DENND6B: variants seen among roughly 807,000 people sequenced by gnomAD.
The protein encoded by DENND6B is protein DENND6B.
In DENND6B, 73 loss-of-function variants were observed where a neutral mutation model predicts 85.1. The observed-to-expected ratio is 0.86, with a 90% confidence interval of 0.71 to 1.04. The LOEUF (loss-of-function observed/expected upper bound fraction) is 1.04. DENND6B is among the 50% of genes least tolerant of loss of function. The pLI is 0.00. For missense variants in DENND6B, 715 were observed against 785.8 expected (o/e 0.91, Z 1.08); for synonymous variants, 357 against 329.3 (o/e 1.08, Z -0.91).
intron 7 of DENND6B, 26 bp downstream of exon 7, chr22:50,316,148 C>G: frequency 1.2e-6 from 2 of 1,612,600 alleles, no homozygotes; most frequent in African/African-American, 1.3e-5. Flanking sequence ...CCTGCAGAGC[C>G]TACTCCCCAG....
Position 50,313,434 on chromosome 22 carries a change from C to A in DENND6B, c.1347+12G>T. The A allele has an allele frequency of 4.6e-6, 7 of 1,538,172 alleles. No homozygotes were observed. The highest frequency in any genetic ancestry group is 1.2e-5 in the South Asian group (1 of 80,112). The stretch of plus-strand genomic sequence containing the variant: ...CTCCATGGACCCCACAAAACCCCCA[C>A]AGGACCCCCACCTTCCAGGGCGTGA... On this transcript the variant is annotated intron_variant, in intron 16 of 19. Transcript: ENST00000413817.
intron 3 of DENND6B, 139 bp downstream of exon 3, chr22:50,318,708 G>A (rs893589781): frequency 3.2e-5 from 39 of 1,237,660 alleles, no homozygotes; most frequent in Admixed American, 2.5e-4. Flanking sequence ...TCCACGGAGT[G>A]GGCATGGGGC....
At position 50,312,362 on chromosome 22, in the gene DENND6B, A is replaced by G. The variant is rs1323612013; in HGVS notation, c.1616T>C (p.Leu539Pro). 3 of 1,611,730 alleles carry G rather than the reference A, an allele frequency of 1.9e-6. No individual in the cohort carries two copies. Among genetic ancestry groups the G allele is most frequent in the East Asian group, 4.5e-5 (2 of 44,838 alleles). ...KSEVEVVDLV[L>P]KLREKLVRAQ... Reference sequence around the variant, plus strand: ...TCTTACCAGCTTCTCACGAAGTTTCAGGACCAGGTCCACGACCTCCACCTC... The same window carrying G: ...TCTTACCAGCTTCTCACGAAGTTTCGGGACCAGGTCCACGACCTCCACCTC... The change falls in exon 19 of 20, where the codon CTG (leucine) becomes CCG (proline). Residue 539 changes from leucine (L) to proline (P), a missense_variant. Coordinates refer to ENST00000413817, the MANE Select transcript of DENND6B (RefSeq NM_001001794.4).
At chr22:50,317,462 C>A (rs2041890228) in intron 4 of DENND6B, 89 bp from the exon 5 acceptor site, 1 of 1,433,826 alleles carries the variant, frequency 7.0e-7, no homozygotes, top group Admixed American at 1.8e-5. Flanking sequence ...CATGCAGGGA[C>A]TGCTGCAGAT....
At chr22:50,315,919 C>G (rs1280783699) in intron 8 of DENND6B, 106 bp downstream of exon 8, 4 of 1,577,418 alleles carry the variant, frequency 2.5e-6, no homozygotes, top group Non-Finnish European at 3.5e-6. Flanking sequence ...TTTGACAACC[C>G]CGCAGGGTGA....
Position 50,314,410 on chromosome 22 carries a change from G to A in DENND6B, c.1062C>T (p.Pro354=), listed in dbSNP as rs1273231118. 1.3e-6 allele frequency: 2 copies of A among 1,564,292 alleles called. No homozygotes were observed. Among genetic ancestry groups the A allele is most frequent in the Non-Finnish European group, 1.7e-6 (2 of 1,154,024 alleles). The change falls in exon 12 of 20, where the codon CCC becomes CCT. Residue 354 remains proline, a synonymous_variant. Transcript: ENST00000413817. ...HWPHILRVGE[P]KMSGDLPKQV... is the part of the protein sequence containing the mutation. ...CACCGGGAGCCTGACCTGACATCTT[G>A]GGCTCCCCGACTCGGAGGATGTGGG...
chr22:50,326,973 C>T lies in DENND6B; in HGVS notation c.16G>A (p.Gly6Ser). The change falls in exon 1 of 20, where the codon GGC (glycine) becomes AGC (serine). Residue 6 changes from glycine to serine, a missense_variant. By Grantham distance (56) the Gly-to-Ser change is moderately conservative. Transcript: ENST00000413817. MDALL[G>S]TGPRRARGCL... is the part of the protein sequence containing the mutation. The stretch of plus-strand genomic sequence containing the variant: ...CCGCGAGCCCGGCGAGGCCCTGTGC[C>T]CAACAGCGCGTCCATGGCGGCGGCC... 8.3e-7 allele frequency: 1 copy of T among 1,209,422 alleles called. No individual in the cohort carries two copies. Among genetic ancestry groups the T allele is most frequent in the Non-Finnish European group, 1.0e-6 (1 of 975,464 alleles). 74.9% of individuals were successfully genotyped at this position (1,209,422 alleles called of 1,614,324 possible). A position where few individuals can be genotyped will look rare whatever the true frequency, so the allele number is the denominator to read the frequency against.
chr22:50,322,691 G>A (rs2042083375), intron 1 of DENND6B, among the ~76,000 whole-genome samples: 1 of 151,886 alleles, frequency 6.6e-6, no homozygotes, highest in South Asian at 2.1e-4. Context: ...TGGGATTACA[G>A]GCGTGCCACA....
At chr22:50,323,020 CTTTTTTTTTTTTT>C (rs386395718) in intron 1 of DENND6B, among the ~76,000 whole-genome samples, 5 of 39,020 alleles carry the variant, frequency 1.3e-4, no homozygotes, top group South Asian at 2.1e-3. Flanking sequence ...CCGGCTAATG[CTTTTTTTTTTTTT>C]TTTTTTTTTT....
In DENND6B at chr22:50,314,792, G is replaced by A. The variant is rs2041741224; in HGVS notation, c.881+7C>T. 2.5e-6 allele frequency: 4 copies of A among 1,601,624 alleles called. No individual in the cohort carries two copies. The highest frequency in any genetic ancestry group is 2.3e-5 in the East Asian group (1 of 44,406). ...CTTCCCCAGCCGGGACCGGGCCAAG[G>A]CGATACCTGGTCAAGGCCAGCACCA... is the stretch of plus-strand genomic sequence containing the variant. On this transcript the variant is annotated splice_region_variant and intron_variant, in intron 10 of 19. Transcript: ENST00000413817.
At chr22:50,321,116 G>A (rs578230434) in intron 1 of DENND6B, among the ~76,000 whole-genome samples, 13 of 152,276 alleles carry the variant, frequency 8.5e-5, no homozygotes, top group East Asian at 1.9e-4. Context: ...CCAGTCACCC[G>A]GAGGAAGACT....
Position 50,311,975 on chromosome 22 carries a change from T to A in DENND6B, c.*164A>T. ...GTCAAGGCCATGCTGTGGTTCCAAATGTCGCCTTTACTGCTGAGACAATGG... is the reference window on the plus strand; with the variant it reads ...GTCAAGGCCATGCTGTGGTTCCAAAAGTCGCCTTTACTGCTGAGACAATGG... On this transcript the variant is annotated 3_prime_UTR_variant, in exon 20 of 20. Transcript: ENST00000413817. 1.7e-6 allele frequency: 2 copies of A among 1,206,350 alleles called. No individual in the cohort carries two copies. The highest frequency in any genetic ancestry group is 5.6e-5 in the Admixed American group (2 of 35,610). 74.7% of individuals were successfully genotyped at this position (1,206,350 alleles called of 1,614,324 possible). A position where few individuals can be genotyped will look rare whatever the true frequency, so the allele number is the denominator to read the frequency against.
chr22:50,313,226 G>A, intron 16 of DENND6B, 118 bp from the exon 17 acceptor site: 2 of 1,186,300 alleles, frequency 1.7e-6, no homozygotes, highest in South Asian at 1.5e-5. Context: ...ACCCTGCCTG[G>A]CACAGATCCC....
chr22:50,314,587 G>A lies in DENND6B; in HGVS notation c.977+18C>T. ...AGGGCGGAGCAAGGGCAAGAGGCGG[G>A]GCAGAGGCGGCACTTACGGGGCCTG... On this transcript the variant is annotated intron_variant, in intron 11 of 19. Transcript: ENST00000413817. 4 of 1,557,198 alleles carry A rather than the reference G, an allele frequency of 2.6e-6. No individual in the cohort carries two copies. The highest frequency in any genetic ancestry group is 3.5e-6 in the Non-Finnish European group (4 of 1,150,618).
At chr22:50,313,304 GC>G in intron 16 of DENND6B, 141 bp downstream of exon 16, 1 of 1,257,926 alleles carries the variant, frequency 7.9e-7, no homozygotes, top group Non-Finnish European at 1.1e-6. Context: ...CTGCCCTGTG[GC>G]CCCCAGTTTC....
At chr22:50,319,124 C>T in intron 1 of DENND6B, 121 bp from the exon 2 acceptor site, 1 of 1,539,420 alleles carries the variant, frequency 6.5e-7, no homozygotes, top group Non-Finnish European at 8.7e-7. Flanking sequence ...GGGCGCAGGT[C>T]AGTGCCCAAG....
chr22:50,317,112 T>TGGGGGGCGGCGAGGACAGGGTG, intron 5 of DENND6B, 181 bp downstream of exon 5: 4 of 164,354 alleles, frequency 2.4e-5, no homozygotes, highest in East Asian at 9.1e-5. Context: ...GAGGACAGGG[T>TGGGGGGCGGCGAGGACAGGGTG]GGGGGGCGGC....
At chr22:50,325,065 G>C (rs750746970) in intron 1 of DENND6B, among the ~76,000 whole-genome samples, 10 of 152,162 alleles carry the variant, frequency 6.6e-5, no homozygotes, top group Admixed American at 2.6e-4. Flanking sequence ...AAAGGCAAGA[G>C]TCATGTGCTC....
Position 50,314,620 on chromosome 22 carries a change from G to T in DENND6B, c.962C>A (p.Thr321Lys). ...CGGCACTTACGGGGCCTGCGTGCGTGTGGTGAACTCCTTGAACTCGCTGTC... is the reference window on the plus strand; with the variant it reads ...CGGCACTTACGGGGCCTGCGTGCGTTTGGTGAACTCCTTGAACTCGCTGTC... ...IHDSEFKEFT[T>K]RTQAPPNVVL... The change falls in exon 11 of 20, where the codon ACA (threonine) becomes AAA (lysine). Residue 321 changes from threonine (T) to lysine (K), a missense_variant. Thr to Lys is a moderately conservative substitution (Grantham distance 78). Transcript: ENST00000413817. 6.4e-7 allele frequency: 1 copy of T among 1,564,430 alleles called. No homozygotes were observed. Among genetic ancestry groups the T allele is most frequent in the Non-Finnish European group, 8.7e-7 (1 of 1,154,894 alleles).
Sources: gnomAD v4.1 joint callset for allele counts (sites outside exome capture counted in the v4.1 genomes callset) on GRCh38, gnomAD v4.1.1 for gene constraint, MANE v1.5 for transcripts, NCBI Gene and HGNC (gene_info 2026-07-23, HGNC 2026-07-21) for gene names.